Variants in ABI2 observed in about 807,000 individuals in gnomAD.
ABI2 encodes the protein abelson interactor 2.
ABI2 carries 25 observed loss-of-function variants against 59.2 expected under a neutral mutation model. The ratio of observed to expected loss-of-function variants is 0.42; its 90% CI spans 0.31 to 0.59. ABI2 has a LOEUF of 0.59. Ranked by LOEUF, ABI2 falls within the 20% of genes least tolerant of loss-of-function variation. The probability of loss-of-function intolerance (pLI) is 0.14; values close to 1 mark genes in which losing one functional copy is unlikely to be tolerated. For synonymous variants in ABI2, 213 were observed against 235.5 expected (o/e 0.90, Z 0.87); for missense variants, 545 against 681.8 (o/e 0.80, Z 2.23).
chr2:203,343,500 C>A (rs2081317780), intron 1 of ABI2, among the ~76,000 whole-genome samples: 1 of 151,730 alleles, frequency 6.6e-6, no homozygotes, highest in Non-Finnish European at 1.5e-5. Context: ...ATTTCTAGGA[C>A]TATTTATTTA....
chr2:203,385,953 TG>T (rs1353043450), intron 4 of ABI2, among the ~76,000 whole-genome samples: 3 of 152,222 alleles, frequency 2.0e-5, no homozygotes, highest in Non-Finnish European at 4.4e-5. Flanking sequence ...TAGGCTTTTT[TG>T]TCTTTTAACC....
At chr2:203,419,634 C>T (rs950527297) in intron 11 of ABI2, among the ~76,000 whole-genome samples, 1 of 151,928 alleles carries the variant, frequency 6.6e-6, no homozygotes, top group Non-Finnish European at 1.5e-5. Context: ...ACCTCTGCCT[C>T]CCAAAGTGCT....
chr2:203,354,121 T>G (rs1347648902), intron 1 of ABI2, among the ~76,000 whole-genome samples: 1 of 151,834 alleles, frequency 6.6e-6, no homozygotes, highest in Non-Finnish European at 1.5e-5. Flanking sequence ...CTCAGTTCAC[T>G]GCAACCTCCA....
At chr2:203,365,829 C>T (rs2094356253) in intron 1 of ABI2, among the ~76,000 whole-genome samples, 2 of 151,732 alleles carry the variant, frequency 1.3e-5, no homozygotes, top group African/African-American at 2.4e-5. Flanking sequence ...CGGGGTTTCA[C>T]CGTGTTAGCC....
chr2:203,347,949 A>T (rs1009762453), intron 1 of ABI2, among the ~76,000 whole-genome samples: 1 of 152,166 alleles, frequency 6.6e-6, no homozygotes, highest in African/African-American at 2.4e-5. Context: ...GCATGAAAAA[A>T]ATGATTTGGG....
chr2:203,414,460 C>G (rs2097806988), intron 10 of ABI2, among the ~76,000 whole-genome samples: 1 of 152,268 alleles, frequency 6.6e-6, no homozygotes, highest in Admixed American at 6.5e-5. Context: ...CTACCCTCCC[C>G]TCTTCCTCCC....
At position 203,352,697 on chromosome 2, in the gene ABI2, GGA is replaced by G. The variant is rs1178630202; in HGVS notation, c.118-14173_118-14172del. Among the ~76,000 whole-genome samples the G allele has an allele frequency of 5.3e-5, 8 of 152,294 alleles. No homozygotes were observed. The East Asian group carries it at 1.3e-3, about 26-fold the overall frequency. On this transcript the variant is annotated intron_variant, in intron 1 of 11. Transcript: ENST00000261018. ...TTACAGTAAAGGTTAATTTATTATT[GGA>G]GAGAGAAAATTTAAGAAATAAATTT...
At chr2:203,345,726 A>G (rs1011724851) in intron 1 of ABI2, among the ~76,000 whole-genome samples, 1 of 151,212 alleles carries the variant, frequency 6.6e-6, no homozygotes, top group Non-Finnish European at 1.5e-5. Flanking sequence ...TTGTATTTTT[A>G]GTAGAGACGG....
At chr2:203,407,858 A>G (rs758010131) in intron 9 of ABI2, among the ~76,000 whole-genome samples, 1 of 152,224 alleles carries the variant, frequency 6.6e-6, no homozygotes, top group Non-Finnish European at 1.5e-5. Context: ...TTCTGCTTAA[A>G]TTCACTTAAA....
intron 9 of ABI2, among the ~76,000 whole-genome samples, chr2:203,409,358 A>C (rs2097563716): frequency 6.6e-6 from 1 of 152,188 alleles, no homozygotes. Flanking sequence ...CTAGATATTC[A>C]AGATTATCTG....
chr2:203,367,212 T>A, intron 2 of ABI2, 168 bp downstream of exon 2: 1 of 894,416 alleles, frequency 1.1e-6, no homozygotes, highest in Non-Finnish European at 1.5e-6. Context: ...TGTGGGATGG[T>A]TATCTTCTCT....
chr2:203,362,108 T>C (rs1242003901), intron 1 of ABI2, among the ~76,000 whole-genome samples: 2 of 152,176 alleles, frequency 1.3e-5, no homozygotes, highest in African/African-American at 4.8e-5. Context: ...CTGGATGACA[T>C]AGTTCCTGTG....
chr2:203,352,192 C>T (rs931821395), intron 1 of ABI2, among the ~76,000 whole-genome samples: 1 of 151,946 alleles, frequency 6.6e-6, no homozygotes, highest in African/African-American at 2.4e-5. Context: ...GGGGTGCTGC[C>T]CCCATGCCTA....
At chr2:203,392,979 A>G (rs1193898890) in intron 5 of ABI2, among the ~76,000 whole-genome samples, 1 of 151,256 alleles carries the variant, frequency 6.6e-6, no homozygotes, top group African/African-American at 2.4e-5. Context: ...TTTTTTTTTA[A>G]AAAAAATCTT....
At chr2:203,374,225 T>A (rs1399747245) in intron 2 of ABI2, among the ~76,000 whole-genome samples, 1 of 150,724 alleles carries the variant, frequency 6.6e-6, no homozygotes, top group African/African-American at 2.4e-5. Flanking sequence ...TTGGCCAGGC[T>A]CCGTGGCTCA....
chr2:203,401,351 C>T (rs1485322453), intron 8 of ABI2, among the ~76,000 whole-genome samples: 1 of 151,990 alleles, frequency 6.6e-6, no homozygotes. Context: ...CTTATTTCTC[C>T]GCCTCCTCTT....
chr2:203,387,827 T>G (rs917851713), intron 4 of ABI2, among the ~76,000 whole-genome samples: 1 of 152,212 alleles, frequency 6.6e-6, no homozygotes, highest in Non-Finnish European at 1.5e-5. Flanking sequence ...GTCTTGAGTT[T>G]ATGGTATATG....
rs565851195 is a variant in ABI2, at chr2:203,372,561, A to G, written c.285+5517A>G. ...GGGCGGCTGGCCGGGCGGGGGGCTG[A>G]CCCCCCCACCTCCCTCCCGGACGGG... On this transcript the variant is annotated intron_variant, in intron 2 of 11. Coordinates refer to ENST00000261018, the MANE Select transcript of ABI2 (RefSeq NM_001375670.1). 6.5e-5 allele frequency among the ~76,000 whole-genome samples: 8 copies of G among 122,978 alleles called. No individual in the cohort carries two copies. The South Asian group carries it at 2.2e-3, about 33-fold the overall frequency. The allele number at this position is 122,978 out of a possible 152,430, so 80.7% of individuals were successfully genotyped here. A position where few individuals can be genotyped will look rare whatever the true frequency, so the allele number is the denominator to read the frequency against.
chr2:203,424,540 G>C (rs1162503183), intron 11 of ABI2, among the ~76,000 whole-genome samples: 1 of 151,598 alleles, frequency 6.6e-6, no homozygotes, highest in Admixed American at 6.6e-5. Flanking sequence ...GACCACAGAC[G>C]TGCACCACCA....
Sources: gnomAD v4.1 joint callset for allele counts (sites outside exome capture counted in the v4.1 genomes callset) on GRCh38, gnomAD v4.1.1 for gene constraint, MANE v1.5 for transcripts, NCBI Gene and HGNC (gene_info 2026-07-23, HGNC 2026-07-21) for gene names.